The following ADK variants were observed in gnomAD, a reference collection of about 807,000 sequenced individuals.
ADK encodes the protein N6,N6-dimethyladenosine kinase.
Under a neutral mutation model 44.7 loss-of-function variants are expected in ADK, and 24 were observed. The observed-to-expected ratio is 0.54, with a 90% CI of 0.39 to 0.76. The LOEUF is 0.76. Ranked by LOEUF, ADK falls within the 30% of genes least tolerant of loss-of-function variation. The pLI is 0.00. For missense variants in ADK, 321 were observed against 425.1 expected, an observed-to-expected ratio of 0.76 and a Z score of 2.15; for synonymous variants, 128 against 142.6, an observed-to-expected ratio of 0.90 and a Z score of 0.73.
At chr10:74,301,237 A>G (rs1170381506) in intron 3 of ADK, among the ~76,000 whole-genome samples, 1 of 152,126 alleles carries the variant, frequency 6.6e-6, no homozygotes, top group African/African-American at 2.4e-5. Context: ...AACTTTGGCC[A>G]GGCACAGTGG....
At chr10:74,495,342 T>C (rs1393557489) in intron 6 of ADK, among the ~76,000 whole-genome samples, 2 of 152,102 alleles carry the variant, frequency 1.3e-5, no homozygotes, top group African/African-American at 4.8e-5. Flanking sequence ...TTGCATACTC[T>C]TCTCAAGTGT....
At chr10:74,626,684 T>C (rs1269223123) in intron 9 of ADK, among the ~76,000 whole-genome samples, 2 of 152,244 alleles carry the variant, frequency 1.3e-5, no homozygotes, top group Admixed American at 1.3e-4. Flanking sequence ...CTGAATTTTC[T>C]ATGGAACATT....
At chr10:74,184,429 A>C (rs1317011375) in intron 1 of ADK, among the ~76,000 whole-genome samples, 2 of 151,972 alleles carry the variant, frequency 1.3e-5, no homozygotes, top group Non-Finnish European at 2.9e-5. Flanking sequence ...TCCTGGGCTC[A>C]AGTGATCCTC....
intron 7 of ADK, among the ~76,000 whole-genome samples, chr10:74,574,169 T>TC (rs923873824): frequency 1.3e-5 from 2 of 149,458 alleles, no homozygotes; most frequent in African/African-American, 4.9e-5. Flanking sequence ...TTTCTTTCTT[T>TC]TTTTTTTTTT....
intron 1 of ADK, among the ~76,000 whole-genome samples, chr10:74,172,107 T>C (rs1842175980): frequency 6.6e-6 from 1 of 151,832 alleles, no homozygotes; most frequent in African/African-American, 2.4e-5. Flanking sequence ...TAAAAAACTT[T>C]TTTTTCATTT....
intron 7 of ADK, among the ~76,000 whole-genome samples, chr10:74,574,166 C>CTTT (rs746368755): frequency 3.7e-5 from 5 of 134,912 alleles, no homozygotes; most frequent in Admixed American, 7.4e-5. Flanking sequence ...TACTTTCTTT[C>CTTT]TTTTTTTTTT....
At chr10:74,440,936 C>A (rs981463868) in intron 6 of ADK, among the ~76,000 whole-genome samples, 2 of 152,090 alleles carry the variant, frequency 1.3e-5, no homozygotes. Flanking sequence ...AACATGGGTG[C>A]TGTCTTTAGT....
intron 6 of ADK, among the ~76,000 whole-genome samples, chr10:74,409,272 A>G (rs1336166031): frequency 3.3e-5 from 5 of 152,206 alleles, no homozygotes; most frequent in African/African-American, 1.2e-4. Flanking sequence ...ACTGTGAAGA[A>G]CTAATCACCA....
chr10:74,186,115 C>T (rs1472760196), intron 1 of ADK, among the ~76,000 whole-genome samples: 3 of 152,086 alleles, frequency 2.0e-5, no homozygotes, highest in East Asian at 1.9e-4. Context: ...TCCCAAAGTG[C>T]TGGGATTACA....
intron 9 of ADK, among the ~76,000 whole-genome samples, chr10:74,656,858 G>GTTTGT (rs1354845565): frequency 6.6e-6 from 1 of 152,086 alleles, no homozygotes; most frequent in African/African-American, 2.4e-5. Context: ...GTTTTGTGGT[G>GTTTGT]TTTGTTTTGT....
intron 9 of ADK, among the ~76,000 whole-genome samples, chr10:74,634,138 TAAA>T (rs1406796098): frequency 6.6e-6 from 1 of 152,108 alleles, no homozygotes; most frequent in African/African-American, 2.4e-5. Context: ...CTTGTCTCCT[TAAA>T]AAAACAATAA....
intron 8 of ADK, among the ~76,000 whole-genome samples, chr10:74,593,060 C>T (rs1482175462): frequency 6.6e-6 from 1 of 152,076 alleles, no homozygotes; most frequent in East Asian, 1.9e-4. Context: ...GTGTTGATTA[C>T]CAAAGAATTA....
intron 6 of ADK, among the ~76,000 whole-genome samples, chr10:74,435,213 G>A (rs527789748): frequency 6.6e-6 from 1 of 152,288 alleles, no homozygotes; most frequent in Admixed American, 6.5e-5. Context: ...ATAACTGCTA[G>A]ATGGAATTGA....
chr10:74,590,039 C>T (rs1052844751), intron 8 of ADK, among the ~76,000 whole-genome samples: 2 of 151,948 alleles, frequency 1.3e-5, no homozygotes, highest in Non-Finnish European at 2.9e-5. Context: ...CTGAGATAAC[C>T]GTGTTTTTTA....
Position 74,186,865 on chromosome 10 carries a change from T to C in ADK, c.66-13899T>C, listed in dbSNP as rs187192439. On this transcript the variant is annotated intron_variant, in intron 1 of 10. Transcript: ENST00000539909. ...TATGTAGCAACAAGTCTTCTATTGA[T>C]GGGCTTTGGGTTATTTCCAGTTTTT... Among the ~76,000 whole-genome samples the C allele has an allele frequency of 1.1e-3, 171 of 152,358 alleles. 1 individual carries two copies. The highest frequency in any genetic ancestry group is 3.9e-3 in the African/African-American group (162 of 41,592).
intron 9 of ADK, among the ~76,000 whole-genome samples, chr10:74,625,965 G>C (rs1319580248): frequency 1.3e-5 from 2 of 152,126 alleles, no homozygotes; most frequent in Non-Finnish European, 2.9e-5. Flanking sequence ...AAATCAACTA[G>C]TGTAGTTGAT....
intron 2 of ADK, among the ~76,000 whole-genome samples, chr10:74,208,175 A>C (rs1466911508): frequency 6.6e-6 from 1 of 152,100 alleles, no homozygotes; most frequent in Non-Finnish European, 1.5e-5. Context: ...GGAAAGGGGG[A>C]CTTCCCGGGC....
At chr10:74,347,106 C>CAAAAAAAAAAAAAAAAA (rs58074760) in intron 4 of ADK, among the ~76,000 whole-genome samples, 4 of 92,302 alleles carry the variant, frequency 4.3e-5, no homozygotes, top group African/African-American at 2.7e-4. Flanking sequence ...CACTCTGTCT[C>CAAAAAAAAAAAAAAAAA]AAAAAAAAAA....
chr10:74,354,249 A>G (rs1047164352), intron 4 of ADK, among the ~76,000 whole-genome samples: 4 of 152,178 alleles, frequency 2.6e-5, no homozygotes, highest in African/African-American at 7.2e-5. Flanking sequence ...TATTTTCAGT[A>G]TAGCAGATCC....
Sources: gnomAD v4.1 joint callset for allele counts (sites outside exome capture counted in the v4.1 genomes callset) on GRCh38, gnomAD v4.1.1 for gene constraint, MANE v1.5 for transcripts, NCBI Gene and HGNC (gene_info 2026-07-23, HGNC 2026-07-21) for gene names.